The following BBS9 variants were observed in gnomAD, a reference collection of about 807,000 sequenced individuals.
BBS9 encodes the protein protein PTHB1.
In BBS9, 89 loss-of-function variants were observed where a neutral mutation model predicts 117.7. That is an observed-to-expected ratio of 0.76 (90% confidence interval 0.64 to 0.90). The LOEUF (loss-of-function observed/expected upper bound fraction) is 0.90, where lower values mean the gene tolerates loss of function less well. BBS9 is among the 40% of genes least tolerant of loss of function. The pLI is 0.00. For synonymous variants in BBS9, 379 were observed against 370.9 expected (o/e 1.02, Z -0.25); for missense variants, 982 against 1,042.2 (o/e 0.94, Z 0.80).
intron 17 of BBS9, among the ~76,000 whole-genome samples, chr7:33,378,307 A>G (rs1216380287): frequency 2.6e-5 from 4 of 152,242 alleles, no homozygotes; most frequent in Non-Finnish European, 5.9e-5. Context: ...CCTAGCACTT[A>G]TCACTCAGCA....
chr7:33,169,873 T>G (rs190875127), intron 4 of BBS9, among the ~76,000 whole-genome samples: 1 of 151,596 alleles, frequency 6.6e-6, no homozygotes, highest in East Asian at 1.9e-4. Flanking sequence ...GTTTTAGATA[T>G]GAAGTCCTTG....
intron 21 of BBS9, among the ~76,000 whole-genome samples, chr7:33,593,528 T>C (rs1862268396): frequency 6.6e-6 from 1 of 152,134 alleles, no homozygotes; most frequent in Admixed American, 6.6e-5. Context: ...TGCAAATAAA[T>C]AGAAGAGTTC....
intron 19 of BBS9, among the ~76,000 whole-genome samples, chr7:33,503,544 C>CTTTT (rs1563267659): frequency 6.6e-6 from 1 of 151,612 alleles, no homozygotes; most frequent in Admixed American, 6.6e-5. Flanking sequence ...GACTGATTTT[C>CTTTT]CTATTACAAA....
chr7:33,336,263 G>A (rs1815336166), intron 9 of BBS9, among the ~76,000 whole-genome samples, 178 bp from the exon 10 acceptor site: 1 of 152,148 alleles, frequency 6.6e-6, no homozygotes, highest in African/African-American at 2.4e-5. Context: ...GAATACTTCT[G>A]TAAATACAAA....
In BBS9 at chr7:33,484,896, A is replaced by G. The variant is rs144932569; in HGVS notation, c.2116-20567A>G. 1.2e-3 allele frequency among the ~76,000 whole-genome samples: 184 copies of G among 152,368 alleles called. 2 individuals carry two copies. Among genetic ancestry groups the G allele is most frequent in the Middle Eastern group, 6.8e-3 (2 of 294 alleles). On this transcript the variant is annotated intron_variant, in intron 19 of 22. Coordinates refer to ENST00000242067, the MANE Select transcript of BBS9 (RefSeq NM_198428.3). ...CAGCAAAGACATGGAATCAGCGCAA[A>G]TGCCTGTCAATGATAGCATGGATAA...
chr7:33,624,889 T>C (rs891112029), intron 21 of BBS9, among the ~76,000 whole-genome samples: 1 of 152,190 alleles, frequency 6.6e-6, no homozygotes, highest in Non-Finnish European at 1.5e-5. Flanking sequence ...ACATCTGGTC[T>C]GGTACAGGTT....
chr7:33,255,500 A>G (rs1446233835), intron 5 of BBS9, among the ~76,000 whole-genome samples: 1 of 152,170 alleles, frequency 6.6e-6, no homozygotes, highest in Non-Finnish European at 1.5e-5. Context: ...TTTACAAATG[A>G]GAAGGCTGAA....
chr7:33,622,336 G>C (rs1284542892), intron 21 of BBS9, among the ~76,000 whole-genome samples: 1 of 152,118 alleles, frequency 6.6e-6, no homozygotes, highest in Non-Finnish European at 1.5e-5. Flanking sequence ...TAGTTTGTGG[G>C]GTTCAGATGA....
chr7:33,149,313 A>G (rs1792934293), intron 2 of BBS9, among the ~76,000 whole-genome samples: 1 of 152,158 alleles, frequency 6.6e-6, no homozygotes, highest in Non-Finnish European at 1.5e-5. Context: ...ATGTAGAGAA[A>G]TTTGCAGGTC....
intron 21 of BBS9, among the ~76,000 whole-genome samples, chr7:33,579,821 A>G (rs1329365914): frequency 1.3e-5 from 2 of 152,178 alleles, no homozygotes; most frequent in African/African-American, 2.4e-5. Flanking sequence ...TAAGCAGTTT[A>G]TGTTCAACTG....
At chr7:33,600,907 C>T (rs1421800638) in intron 21 of BBS9, among the ~76,000 whole-genome samples, 4 of 152,192 alleles carry the variant, frequency 2.6e-5, no homozygotes, top group Admixed American at 2.6e-4. Context: ...TTCAGGGAGC[C>T]CTGGCTATGG....
At chr7:33,468,615 C>G (rs1206368437) in intron 19 of BBS9, among the ~76,000 whole-genome samples, 1 of 152,144 alleles carries the variant, frequency 6.6e-6, no homozygotes, top group African/African-American at 2.4e-5. Context: ...TGTATTCCTT[C>G]TAACTTATTT....
intron 6 of BBS9, among the ~76,000 whole-genome samples, chr7:33,258,175 T>C (rs888824328): frequency 2.6e-5 from 4 of 152,202 alleles, no homozygotes; most frequent in African/African-American, 9.6e-5. Flanking sequence ...AGGTTTTCAG[T>C]GCCTTTAGTA....
At chr7:33,407,333 G>T (rs906897234) in intron 19 of BBS9, among the ~76,000 whole-genome samples, 63 of 151,230 alleles carry the variant, frequency 4.2e-4, no homozygotes, top group Non-Finnish European at 6.8e-4. Flanking sequence ...TTATACATTC[G>T]TCTAAATTTT....
At chr7:33,345,615 T>C (rs926670745) in intron 12 of BBS9, among the ~76,000 whole-genome samples, 4 of 152,182 alleles carry the variant, frequency 2.6e-5, no homozygotes, top group Admixed American at 6.5e-5. Flanking sequence ...AAGGGTGGTC[T>C]TTCCCCAACC....
chr7:33,529,018 A>C (rs945078001), intron 20 of BBS9, among the ~76,000 whole-genome samples: 3 of 152,230 alleles, frequency 2.0e-5, no homozygotes, highest in Non-Finnish European at 4.4e-5. Flanking sequence ...CAAAGCAGTC[A>C]GAAATTCAGC....
chr7:33,594,337 C>T (rs1456348212), intron 21 of BBS9, among the ~76,000 whole-genome samples: 2 of 152,110 alleles, frequency 1.3e-5, no homozygotes, highest in Admixed American at 6.6e-5. Flanking sequence ...GAGCTCCATA[C>T]ATTTCGCGGG....
chr7:33,467,248 C>A lies in BBS9; in HGVS notation c.2116-38215C>A, dbSNP rs10230991. ...TCTAGGTTGTCTGCTTGCTCAGTTA[C>A]TGATATTACCAAAACATCTCTTTTA... On this transcript the variant is annotated intron_variant, in intron 19 of 22. Coordinates refer to ENST00000242067, the MANE Select transcript of BBS9 (RefSeq NM_198428.3). Among the ~76,000 whole-genome samples, 945 of 152,154 alleles carry A rather than the reference C, an allele frequency of 6.2e-3. 13 individuals carry two copies. Among genetic ancestry groups the A allele is most frequent in the African/African-American group, 0.022 (909 of 41,500 alleles).
intron 21 of BBS9, among the ~76,000 whole-genome samples, chr7:33,601,895 T>A (rs1409910423): frequency 6.6e-6 from 1 of 152,166 alleles, no homozygotes; most frequent in African/African-American, 2.4e-5. Flanking sequence ...CAGGGGCTAT[T>A]ACCATCCCGT....
Sources: gnomAD v4.1 joint callset for allele counts (sites outside exome capture counted in the v4.1 genomes callset) on GRCh38, gnomAD v4.1.1 for gene constraint, MANE v1.5 for transcripts, NCBI Gene and HGNC (gene_info 2026-07-23, HGNC 2026-07-21) for gene names.